Variants in RNF40 observed in about 807,000 individuals in gnomAD.
RNF40 encodes E3 ubiquitin-protein ligase BRE1B.
RNF40 carries 39 observed loss-of-function variants against 123.3 expected under a neutral mutation model. The ratio of observed to expected loss-of-function variants is 0.32; its 90% CI spans 0.24 to 0.41. The LOEUF (loss-of-function observed/expected upper bound fraction) is 0.41, where lower values mean the gene tolerates loss of function less well. Ranked by LOEUF, RNF40 falls within the 10% of genes least tolerant of loss-of-function variation. RNF40 has a pLI of 1.00. For synonymous variants in RNF40, 538 were observed against 526.0 expected, an observed-to-expected ratio of 1.02 and a Z score of -0.31; for missense variants, 1,003 against 1,319.9, an observed-to-expected ratio of 0.76 and a Z score of 3.72.
Position 30,769,258 on chromosome 16 carries a change from C to T in RNF40, c.2320C>T (p.Arg774Trp), listed in dbSNP as rs2054102571. ...AFEDMQEQNG[R>W]LLQQLREKDD... ...TGAGGACATGCAGGAACAGAACGGG[C>T]GGCTGCTACAGCAGTTGCGGGAAAA... The change falls in exon 16 of 20, where the codon CGG becomes TGG. Residue 774 changes from arginine to tryptophan, a missense_variant. Physicochemically the swap from Arg to Trp is moderately radical, Grantham distance 101. This residue lies in a region of RNF40 where 25 missense variants were observed against 72.6 expected (regional missense o/e 0.34). Coordinates refer to ENST00000324685, the MANE Select transcript of RNF40 (RefSeq NM_014771.4). The T allele has an allele frequency of 6.2e-6, 10 of 1,614,206 alleles. No homozygotes were observed. The highest frequency in any genetic ancestry group is 2.2e-5 in the East Asian group (1 of 44,890).
In RNF40 at chr16:30,767,799, G is replaced by T. The variant is rs2054066554; in HGVS notation, c.1430-95G>T. On this transcript the variant is annotated intron_variant, in intron 11 of 19. Transcript: ENST00000324685. The stretch of plus-strand genomic sequence containing the variant: ...GGCCGCAATGTTCCCCTCCTGCACA[G>T]TGGGAGTGATGGCATAGCCTCTTAC... The T allele has an allele frequency of 2.6e-6, 4 of 1,538,304 alleles. No individual in the cohort carries two copies. The East Asian group carries it at 9.0e-5, about 35-fold the overall frequency.
Position 30,768,475 on chromosome 16 carries a change from G to A in RNF40, c.1924G>A (p.Glu642Lys). 6.2e-7 allele frequency: 1 copy of A among 1,610,718 alleles called. No homozygotes were observed. Among genetic ancestry groups the A allele is most frequent in the South Asian group, 1.1e-5 (1 of 90,870 alleles). The change falls in exon 13 of 20, where the codon GAA becomes AAA. Residue 642 changes from glutamate (E) to lysine (K), a missense_variant. Glu to Lys is a moderately conservative substitution (Grantham distance 56, BLOSUM62 1). Transcript: ENST00000324685. The surrounding 1 kb of genome is among the most constrained non-coding windows in gnomAD (Gnocchi z 4.1). The stretch of plus-strand genomic sequence containing the variant: ...GGCTGATCGGGAGAAGGCCAAGGTG[G>A]AAGAAACCAAGCGGAAGGAATCAGA... The part of the protein sequence containing the change: ...SRADREKAKV[E>K]ETKRKESELL...
intron 8 of RNF40, 78 bp downstream of exon 8, chr16:30,765,577 A>G (rs1454926258): frequency 1.5e-5 from 20 of 1,315,232 alleles, no homozygotes; most frequent in East Asian, 2.4e-5. Flanking sequence ...AGGACAAAGG[A>G]CAAACATCCA....
At position 30,773,958 on chromosome 16, in the gene RNF40, C is replaced by T. The variant is rs767078008; in HGVS notation, c.2850C>T (p.Cys950=). 62 of 1,612,876 alleles carry T rather than the reference C, an allele frequency of 3.8e-5. No individual in the cohort carries two copies. The highest frequency in any genetic ancestry group is 5.1e-5 in the Non-Finnish European group (60 of 1,179,068). ...KEYKARLTCP[C]CNTRKKDAVL... is the part of the protein sequence containing the mutation. ...CCCAGGCGCGGTTGACCTGCCCCTG[C>T]TGTAACACCCGCAAGAAGGATGCAG... The change falls in exon 20 of 20, where the codon TGC becomes TGT. Residue 950 remains cysteine, a synonymous_variant. Coordinates refer to ENST00000324685, the MANE Select transcript of RNF40 (RefSeq NM_014771.4).
chr16:30,771,066 G>T (rs1331665026), intron 17 of RNF40, among the ~76,000 whole-genome samples: 2 of 152,196 alleles, frequency 1.3e-5, no homozygotes, highest in Non-Finnish European at 2.9e-5. Context: ...GCTGATTGCT[G>T]TGGAGACATT....
upstream of RNF40, chr16:30,762,063 G>C (rs2053842581): frequency 4.5e-6 from 2 of 441,314 alleles, no homozygotes; most frequent in East Asian, 4.1e-5. Flanking sequence ...TTGCTAATAC[G>C]AGGGCCGGTG....
upstream of RNF40, chr16:30,761,867 ACG>A (rs2053832543): frequency 1.0e-6 from 1 of 996,510 alleles, no homozygotes; most frequent in Non-Finnish European, 1.4e-6. Flanking sequence ...CGGCCAATCT[ACG>A]CGCGGAGAGG....
chr16:30,770,663 G>T (rs941911152), intron 17 of RNF40, among the ~76,000 whole-genome samples: 3 of 152,168 alleles, frequency 2.0e-5, no homozygotes, highest in African/African-American at 4.8e-5. Flanking sequence ...CTCTGAAGCT[G>T]TTTTCTTCTC....
rs142220777 is a variant in RNF40 at position 30,768,199 on chromosome 16, G to A, written c.1648G>A (p.Gly550Ser). The A allele has an allele frequency of 4.3e-5, 69 of 1,613,176 alleles. No homozygotes were observed. The highest frequency in any genetic ancestry group is 5.6e-5 in the Non-Finnish European group (66 of 1,179,828). ...VSAPAPGKEE[G>S]GPGPVSTPDN... ...TGCCCCAGCCCCAGGGAAAGAGGAG[G>A]GTGGGCCAGGCCCTGTCAGTACCCC... The change falls in exon 13 of 20, where the codon GGT (glycine) becomes AGT (serine). Residue 550 changes from glycine to serine, a missense_variant. Physicochemically the swap from Gly to Ser is moderately conservative, Grantham distance 56 (BLOSUM62 0). This residue lies in a region of RNF40 where 295 missense variants were observed against 331.7 expected (regional missense o/e 0.89). Transcript: ENST00000324685. The surrounding 1 kb of genome is among the most constrained non-coding windows in gnomAD (Gnocchi z 4.1).
In RNF40 at chr16:30,766,492, A is replaced by G; in HGVS notation, c.1227A>G (p.Leu409=). The change falls in exon 10 of 20, where the codon CTA becomes CTG. Residue 409 remains leucine (L), a synonymous_variant. Transcript: ENST00000324685. The surrounding 1 kb of genome is among the most constrained non-coding windows in gnomAD (Gnocchi z 5.4). Reference sequence around the variant, plus strand: ...AGTCTCTGCAAGTGAAGACCCAGCTAGACGAGGCTCGGGGCCTGCTGCTGG... The same window carrying G: ...AGTCTCTGCAAGTGAAGACCCAGCTGGACGAGGCTCGGGGCCTGCTGCTGG... ...YNESLQVKTQ[L]DEARGLLLAT... is the part of the protein sequence containing the mutation. The G allele has an allele frequency of 1.9e-6, 3 of 1,613,756 alleles. No individual in the cohort carries two copies. Among genetic ancestry groups the G allele is most frequent in the Non-Finnish European group, 2.5e-6 (3 of 1,179,994 alleles).
chr16:30,763,710 A>T, intron 4 of RNF40, 151 bp downstream of exon 4: 1 of 808,736 alleles, frequency 1.2e-6, no homozygotes, highest in South Asian at 1.8e-5. Context: ...AGTGCACAAA[A>T]ACACAGGCTT....
intron 18 of RNF40, 21 bp from the exon 19 acceptor site, chr16:30,772,068 G>A (rs2054158091): frequency 6.4e-7 from 1 of 1,571,130 alleles, no homozygotes; most frequent in Non-Finnish European, 8.6e-7. Flanking sequence ...CTTGCCCTTA[G>A]CCAGGCCTCT....
Position 30,774,935 on chromosome 16 carries a change from G to C in RNF40, c.*821G>C, listed in dbSNP as rs1032396237. 4.4e-6 allele frequency: 2 copies of C among 456,342 alleles called. No individual in the cohort carries two copies. The highest frequency in any genetic ancestry group is 4.0e-5 in the African/African-American group (2 of 50,064). The allele number at this position is 456,342 out of a possible 1,614,324, so 28.3% of individuals were successfully genotyped here. On this transcript the variant is annotated 3_prime_UTR_variant, in exon 20 of 20. Coordinates refer to ENST00000324685, the MANE Select transcript of RNF40 (RefSeq NM_014771.4). ...AGTGGAGGTGGAACTTCCCAGGAGG[G>C]GAAGGGACAGACCAGCCCCAGCCGC...
Position 30,768,475 on chromosome 16 carries a change from G to T in RNF40, c.1924G>T (p.Glu642Ter). 1 of 1,610,718 alleles carries T rather than the reference G, an allele frequency of 6.2e-7. No homozygotes were observed. The highest frequency in any genetic ancestry group is 8.5e-7 in the Non-Finnish European group (1 of 1,178,006). Residue 642 changes from glutamate to a stop codon, truncating the protein, a stop_gained, in exon 13 of 20, where the codon GAA becomes TAA. Transcript: ENST00000324685. LOFTEE classifies it high-confidence loss of function. The surrounding 1 kb of genome is among the most constrained non-coding windows in gnomAD (Gnocchi z 4.1). ...GGCTGATCGGGAGAAGGCCAAGGTG[G>T]AAGAAACCAAGCGGAAGGAATCAGA... ...SRADREKAKV[E>*]ETKRKESELL...
At chr16:30,770,115 A>G (rs1156914238) in intron 17 of RNF40, among the ~76,000 whole-genome samples, 1 of 4,184 alleles carries the variant, frequency 2.4e-4, no homozygotes, top group East Asian at 0.033. Context: ...AAAAAAAACA[A>G]AAGATTTTTG....
At chr16:30,765,543 T>C in intron 8 of RNF40, 44 bp downstream of exon 8, 1 of 1,556,246 alleles carries the variant, frequency 6.4e-7, no homozygotes, top group Non-Finnish European at 8.8e-7. Flanking sequence ...ACCTCTTCTC[T>C]GTTGCACTCT....
rs917770334 is a variant in RNF40 at position 30,776,169 on chromosome 16, C to T, written c.*2055C>T. 2.0e-5 allele frequency: 3 copies of T among 152,250 alleles called. No homozygotes were observed. Among genetic ancestry groups the T allele is most frequent in the Non-Finnish European group, 2.9e-5 (2 of 68,048 alleles). The allele number at this position is 152,250 out of a possible 1,614,324, so 9.4% of individuals were successfully genotyped here. A position where few individuals can be genotyped will look rare whatever the true frequency, so the allele number is the denominator to read the frequency against. Reference sequence around the variant, plus strand: ...GTCCCCTTCCAGGAGTAGCCTTCGCCTGGGCTCTTGAGTAGATGCCAAGTA... The same window carrying T: ...GTCCCCTTCCAGGAGTAGCCTTCGCTTGGGCTCTTGAGTAGATGCCAAGTA... On this transcript the variant is annotated 3_prime_UTR_variant, in exon 20 of 20. Coordinates refer to ENST00000324685, the MANE Select transcript of RNF40 (RefSeq NM_014771.4).
rs2054108653 is a variant in RNF40, at chr16:30,769,519, G to A, written c.2505G>A (p.Glu835=). ...LLTVQKLEEK[E]RALQGSLGGV... is the part of the protein sequence containing the mutation. ...CTGTGCAGAAGCTAGAGGAGAAGGA[G>A]CGAGCCTTGCAGGGCAGCCTCGGGG... The change falls in exon 17 of 20, where the codon GAG becomes GAA. Residue 835 remains glutamate, a synonymous_variant. Transcript: ENST00000324685. 1.9e-6 allele frequency: 3 copies of A among 1,613,398 alleles called. No individual in the cohort carries two copies. Among genetic ancestry groups the A allele is most frequent in the East Asian group, 2.2e-5 (1 of 44,860 alleles).
Position 30,766,463 on chromosome 16 carries a change from A to G in RNF40, c.1198A>G (p.Asn400Asp). Residue 400 changes from asparagine to aspartate, a missense_variant, in exon 10 of 20, where the codon AAC (asparagine) becomes GAC (aspartate). This residue lies in a region of RNF40 where 274 missense variants were observed against 356.9 expected (regional missense o/e 0.77). Transcript: ENST00000324685. This position sits in a 1 kb window ranked among gnomAD's most constrained non-coding sequence, Gnocchi z 5.4. ...GCAGGCCCAATTCTCACTGCTCTACAACGAGTCTCTGCAAGTGAAGACCCA... is the reference window on the plus strand; with the variant it reads ...GCAGGCCCAATTCTCACTGCTCTACGACGAGTCTCTGCAAGTGAAGACCCA... ...MLQAQFSLLY[N>D]ESLQVKTQLD... 1 of 1,613,926 alleles carries G rather than the reference A, an allele frequency of 6.2e-7. No individual in the cohort carries two copies. The highest frequency in any genetic ancestry group is 8.5e-7 in the Non-Finnish European group (1 of 1,180,008).
Sources: allele counts gnomAD v4.1 joint callset (sites outside exome capture counted in the v4.1 genomes callset), GRCh38; gene constraint gnomAD v4.1.1; regional missense constraint gnomAD v4.1.1; non-coding constraint Gnocchi (gnomAD v3.1); transcripts MANE v1.5; gene names NCBI Gene and HGNC (gene_info 2026-07-23, HGNC 2026-07-21).